TENM1: variants seen among roughly 807,000 people sequenced by gnomAD.
TENM1 encodes teneurin-1.
In TENM1, 35 loss-of-function variants were observed where a neutral mutation model predicts 174.8. The observed-to-expected ratio is 0.20, with a 90% CI of 0.15 to 0.27. The LOEUF (loss-of-function observed/expected upper bound fraction) is 0.27, where lower values mean the gene tolerates loss of function less well. Ranked by LOEUF, TENM1 falls within the 10% of genes least tolerant of loss-of-function variation. TENM1 has a pLI of 1.00. For missense variants in TENM1, 1,633 were observed against 2,130.1 expected, an observed-to-expected ratio of 0.77 and a Z score of 4.59; for synonymous variants, 781 against 798.7, an observed-to-expected ratio of 0.98 and a Z score of 0.37.
In TENM1 at chrX:124,393,438, A is replaced by T. The variant is rs750266643; in HGVS notation, c.5392-1090T>A. On this transcript the variant is annotated intron_variant, in intron 27 of 31. Coordinates refer to ENST00000422452, the Ensembl canonical transcript of TENM1. ...GTGTGTGTGTGTTTCAGAAAAAAAA[A>T]AGGTGTTCTTGATTTTAGTCATTAA... 3.6e-5 allele frequency among the ~76,000 whole-genome samples: 4 copies of T among 110,434 alleles called. No individual in the cohort carries two copies. The East Asian group carries it at 1.1e-3, about 31-fold the overall frequency.
intron 3 of TENM1, among the ~76,000 whole-genome samples, chrX:124,856,562 T>C (rs1170278940): frequency 9.0e-6 from 1 of 111,399 alleles, no homozygotes; most frequent in Non-Finnish European, 1.9e-5. Context: ...CTGAAGGTAA[T>C]GAACTATACC....
chrX:124,792,988 A>G (rs1274977982), intron 3 of TENM1, among the ~76,000 whole-genome samples: 2 of 112,163 alleles, frequency 1.8e-5, no homozygotes, highest in Non-Finnish European at 3.8e-5. Context: ...AACAAATATT[A>G]CAATATATAG....
chrX:124,711,673 A>G (rs1032299681), intron 4 of TENM1, among the ~76,000 whole-genome samples: 3 of 112,061 alleles, frequency 2.7e-5, no homozygotes, highest in Non-Finnish European at 5.6e-5. Flanking sequence ...ATTTTTTTAA[A>G]AAAACAAATT....
chrX:125,059,616 C>T, the TENM1 span, among the ~76,000 whole-genome samples: 1 of 111,319 alleles, frequency 9.0e-6, no homozygotes, highest in African/African-American at 3.3e-5. Flanking sequence ...TCCTCAACCC[C>T]TAACTCTGCT....
chrX:125,055,141 CCTTT>C, the TENM1 span, among the ~76,000 whole-genome samples: 41 of 111,061 alleles, frequency 3.7e-4, no homozygotes, highest in Admixed American at 4.0e-3. Flanking sequence ...TCCTAGTTGC[CCTTT>C]ATTTACTGTT....
chrX:124,772,073 T>C (rs1603176242), intron 3 of TENM1, among the ~76,000 whole-genome samples: 1 of 112,031 alleles, frequency 8.9e-6, no homozygotes, highest in Non-Finnish European at 1.9e-5. Flanking sequence ...TGTACTACTA[T>C]TGCTTTTAAA....
chrX:124,783,991 C>T (rs1352337584), intron 3 of TENM1, among the ~76,000 whole-genome samples: 1 of 112,512 alleles, frequency 8.9e-6, no homozygotes, highest in Non-Finnish European at 1.9e-5. Flanking sequence ...TGAAGAAACT[C>T]AACTGAGATT....
intron 11 of TENM1, among the ~76,000 whole-genome samples, chrX:124,586,080 G>A (rs933074411): frequency 9.1e-6 from 1 of 109,436 alleles, no homozygotes; most frequent in Non-Finnish European, 1.9e-5. Flanking sequence ...AGGACCAGAT[G>A]GATTCACAGC....
the TENM1 span, among the ~76,000 whole-genome samples, chrX:125,035,555 G>A: frequency 1.8e-5 from 2 of 110,981 alleles, no homozygotes; most frequent in African/African-American, 6.6e-5. Context: ...CTTGTTGGGG[G>A]TATATGCAGC....
chrX:124,633,785 A>AT (rs756923814), intron 11 of TENM1, among the ~76,000 whole-genome samples: 9 of 110,447 alleles, frequency 8.1e-5, no homozygotes, highest in African/African-American at 2.6e-4. Flanking sequence ...TAATAGTGTG[A>AT]TTTTTTTTCC....
Position 124,722,612 on chromosome X carries a change from G to A in TENM1, c.776+14345C>T, listed in dbSNP as rs749254410. On this transcript the variant is annotated intron_variant, in intron 4 of 31. Coordinates refer to ENST00000422452, the Ensembl canonical transcript of TENM1. ...TCCCAGCACTTTGGAAGGCCGAAGC[G>A]GGCGGATCACGAGGTCAGGAGATCG... Among the ~76,000 whole-genome samples the A allele has an allele frequency of 5.4e-5, 6 of 110,408 alleles. No individual in the cohort carries two copies. The East Asian group carries it at 1.1e-3, about 21-fold the overall frequency.
chrX:124,698,635 A>G lies in TENM1; in HGVS notation c.1015+6378T>C, dbSNP rs775666900. The stretch of plus-strand genomic sequence containing the variant: ...AAATAATTGTCTTGCCCTAATGAAA[A>G]ACCACAACAACTCTCCATTTGTTCT... On this transcript the variant is annotated intron_variant, in intron 5 of 31. Transcript: ENST00000422452. Among the ~76,000 whole-genome samples, 408 of 111,203 alleles carry G rather than the reference A, an allele frequency of 3.7e-3. 3 individuals carry two copies. The highest frequency in any genetic ancestry group is 6.1e-3 in the Admixed American group (64 of 10,443).
the TENM1 span, among the ~76,000 whole-genome samples, chrX:125,126,801 A>G: frequency 1.8e-5 from 2 of 110,577 alleles, no homozygotes; most frequent in East Asian, 5.7e-4. Flanking sequence ...TGCCATGCCC[A>G]TGAATACTGC....
At chrX:124,543,194 T>C (rs2048358252) in intron 15 of TENM1, among the ~76,000 whole-genome samples, 1 of 112,574 alleles carries the variant, frequency 8.9e-6, no homozygotes, top group Admixed American at 9.4e-5. Flanking sequence ...TGCCCATGCA[T>C]CCTAGGTTGC....
intron 11 of TENM1, among the ~76,000 whole-genome samples, chrX:124,621,670 T>C (rs937459386): frequency 8.9e-6 from 1 of 112,218 alleles, no homozygotes; most frequent in African/African-American, 3.2e-5. Flanking sequence ...TTTTCACTTA[T>C]GGTGTTATGT....
At chrX:124,503,527 G>A in intron 19 of TENM1, 33 bp downstream of exon 22, 2 of 1,168,322 alleles carry the variant, frequency 1.7e-6, no homozygotes, top group Middle Eastern at 2.4e-4. Context: ...CATTAGGAAA[G>A]TAGTATTCAT....
chrX:124,432,383 C>T lies in TENM1; in HGVS notation c.4105-9745G>A, dbSNP rs1017987053. ...TATATTCACTCTTTCCTCCTGATTA[C>T]ACTCCCAGTTTATTTATTTATTTGT... is the stretch of plus-strand genomic sequence containing the variant. On this transcript the variant is annotated intron_variant, in intron 23 of 31. Coordinates refer to ENST00000422452, the Ensembl canonical transcript of TENM1. 2.9e-5 allele frequency among the ~76,000 whole-genome samples: 3 copies of T among 103,691 alleles called. No homozygotes were observed. In the Admixed American group the frequency reaches 3.2e-4, roughly 11 times the overall value. The allele number at this position is 103,691 out of a possible 115,157, so 90.0% of individuals were successfully genotyped here. A position where few individuals can be genotyped will look rare whatever the true frequency, so the allele number is the denominator to read the frequency against.
exon 25 of TENM1, chrX:124,420,407 G>A (rs1556633316): frequency 8.3e-7 from 1 of 1,212,053 alleles, no homozygotes; most frequent in East Asian, 3.0e-5. Context: ...GCCTTGGGCT[G>A]ACACTCTTTT....
the TENM1 span, among the ~76,000 whole-genome samples, chrX:125,011,223 A>T: frequency 3.6e-5 from 4 of 112,065 alleles, no homozygotes; most frequent in Non-Finnish European, 7.5e-5. Flanking sequence ...CCAAAACCAT[A>T]AAAACCCTAG....
Sources: gnomAD v4.1 joint callset for allele counts (sites outside exome capture counted in the v4.1 genomes callset) on GRCh38, gnomAD v4.1.1 for gene constraint, MANE v1.5 for transcripts, NCBI Gene and HGNC (gene_info 2026-07-23, HGNC 2026-07-21) for gene names.